The following NREP variants were observed in gnomAD, a reference collection of about 807,000 sequenced individuals.
NREP encodes the protein neuronal regeneration-related protein.
In NREP, 5 loss-of-function variants were observed where a neutral mutation model predicts 8.6. The observed-to-expected ratio is 0.58, with a 90% CI of 0.30 to 1.22. NREP has a LOEUF of 1.22. Among genes scored for constraint, NREP ranks in the 50% most tolerant of loss-of-function variants. The pLI is 0.07. For synonymous variants in NREP, 27 were observed against 28.0 expected (o/e 0.96, Z 0.11); for missense variants, 86 against 82.5 (o/e 1.04, Z -0.17).
chr5:111,796,975 G>T (rs1272706421), intron 2 of NREP, among the ~76,000 whole-genome samples: 1 of 152,006 alleles, frequency 6.6e-6, no homozygotes, highest in Admixed American at 6.6e-5. Flanking sequence ...AGAACCAATG[G>T]GGCCCATACT....
intron 2 of NREP, among the ~76,000 whole-genome samples, chr5:111,830,062 TG>T (rs1345795096): frequency 6.6e-6 from 1 of 152,196 alleles, no homozygotes; most frequent in African/African-American, 2.4e-5. Context: ...GTCCAGCCCA[TG>T]GCCCACAGGC....
At chr5:111,931,779 G>GA (rs1755544080) in intron 2 of NREP, among the ~76,000 whole-genome samples, 1 of 152,100 alleles carries the variant, frequency 6.6e-6, no homozygotes, top group Non-Finnish European at 1.5e-5. Flanking sequence ...GAGAATTACA[G>GA]GTTCCTCCAT....
chr5:111,804,979 C>A lies in NREP; in HGVS notation c.136-69472G>T, dbSNP rs532816402. Among the ~76,000 whole-genome samples the A allele has an allele frequency of 1.3e-3, 192 of 148,724 alleles. 2 individuals carry two copies. The highest frequency in any genetic ancestry group is 0.011 in the Admixed American group (164 of 14,794). ...TGGCGCCACTGCACTCTAGCCTGGG[C>A]GACAGAGCGAGACTCCGTCTCAACA... On this transcript the variant is annotated intron_variant, in intron 2 of 3. Coordinates refer to the NREP transcript ENST00000395634.
chr5:111,758,171 C>G, upstream of NREP: 1 of 985,552 alleles, frequency 1.0e-6, no homozygotes. Context: ...AAGCCCGGGG[C>G]GGGGAGCGCC....
chr5:111,781,957 G>C (rs1462900770), intron 2 of NREP, among the ~76,000 whole-genome samples: 1 of 152,208 alleles, frequency 6.6e-6, no homozygotes, highest in East Asian at 1.9e-4. Context: ...ATTTACTCTG[G>C]TTTTTGCCTC....
At chr5:111,812,312 A>G (rs1306779942) in intron 2 of NREP, among the ~76,000 whole-genome samples, 1 of 152,038 alleles carries the variant, frequency 6.6e-6, no homozygotes, top group Non-Finnish European at 1.5e-5. Flanking sequence ...CAAACAAACA[A>G]ACAATCAAAC....
intron 2 of NREP, among the ~76,000 whole-genome samples, chr5:111,765,252 T>C (rs576144191): frequency 2.4e-4 from 37 of 152,298 alleles, no homozygotes; most frequent in Middle Eastern, 6.8e-3. Context: ...GAGAATCTAA[T>C]GCCACCAATG....
intron 2 of NREP, among the ~76,000 whole-genome samples, chr5:111,952,700 G>T (rs761849507): frequency 1.8e-4 from 28 of 152,028 alleles, no homozygotes; most frequent in Non-Finnish European, 2.9e-4. Context: ...GAAATTTAAG[G>T]CATGGGGAAC....
intron 2 of NREP, among the ~76,000 whole-genome samples, chr5:111,808,719 T>G (rs1752200055): frequency 6.6e-6 from 1 of 152,180 alleles, no homozygotes; most frequent in African/African-American, 2.4e-5. Flanking sequence ...TCCAGCCATG[T>G]TTGGGTAACC....
At chr5:111,975,161 G>T in intron 2 of NREP, 1 of 714,672 alleles carries the variant, frequency 1.4e-6, no homozygotes, top group Non-Finnish European at 2.4e-6. Context: ...CTTTCACGGG[G>T]CAATGGTGGG....
intron 2 of NREP, among the ~76,000 whole-genome samples, chr5:111,744,344 T>C (rs1749867965): frequency 6.6e-6 from 1 of 152,014 alleles, no homozygotes; most frequent in Non-Finnish European, 1.5e-5. Context: ...GGAGGGAAAG[T>C]GGTTTCTATT....
Position 111,793,716 on chromosome 5 carries a change from G to C in NREP, c.136-58209C>G, listed in dbSNP as rs750767021. ...AGCCCTCCTCACTCCCTAGCATAATGCTTTACGCTCAATGAATGCTAAGTA... is the reference window on the plus strand; with the variant it reads ...AGCCCTCCTCACTCCCTAGCATAATCCTTTACGCTCAATGAATGCTAAGTA... On this transcript the variant is annotated intron_variant, in intron 2 of 3. Transcript: ENST00000395634. Among the ~76,000 whole-genome samples the C allele has an allele frequency of 1.2e-4, 18 of 152,266 alleles. 1 individual carries two copies. Among genetic ancestry groups the C allele is most frequent in the Non-Finnish European group, 2.4e-4 (16 of 68,020 alleles).
At chr5:111,789,085 A>G (rs1036318882) in intron 2 of NREP, among the ~76,000 whole-genome samples, 10 of 152,294 alleles carry the variant, frequency 6.6e-5, no homozygotes, top group Middle Eastern at 3.4e-3. Flanking sequence ...GTGTGAGCCT[A>G]TTCCTTATTC....
intron 2 of NREP, among the ~76,000 whole-genome samples, chr5:111,892,461 G>T (rs1428757482): frequency 1.3e-5 from 2 of 152,084 alleles, no homozygotes; most frequent in Non-Finnish European, 2.9e-5. Context: ...ATATGAAGAG[G>T]TTACTTGAAG....
chr5:111,813,990 C>G (rs1752326279), intron 2 of NREP, among the ~76,000 whole-genome samples: 1 of 151,852 alleles, frequency 6.6e-6, no homozygotes, highest in Admixed American at 6.6e-5. Context: ...TCATAATTTT[C>G]TTATGAAAAT....
intron 2 of NREP, among the ~76,000 whole-genome samples, chr5:111,930,392 T>C (rs895800986): frequency 1.3e-5 from 2 of 152,184 alleles, no homozygotes; most frequent in Non-Finnish European, 1.5e-5. Context: ...GCGAATTTAG[T>C]TTAATCTCTA....
At chr5:111,768,430 G>A (rs1348744955) in intron 2 of NREP, among the ~76,000 whole-genome samples, 1 of 152,150 alleles carries the variant, frequency 6.6e-6, no homozygotes, top group Non-Finnish European at 1.5e-5. Flanking sequence ...ATATTGTGTG[G>A]TATTGAGGTT....
chr5:111,903,072 T>C (rs928014231), intron 2 of NREP, among the ~76,000 whole-genome samples: 2 of 150,500 alleles, frequency 1.3e-5, no homozygotes, highest in Admixed American at 6.6e-5. Context: ...TGAATTGTCT[T>C]GTCTTTTCTC....
At chr5:111,770,554 C>CTT (rs34538408) in intron 2 of NREP, among the ~76,000 whole-genome samples, 1,618 of 73,546 alleles carry the variant, frequency 0.022, 245 homozygotes, top group African/African-American at 0.044. Flanking sequence ...GAATTATTTC[C>CTT]TTTTTTTTTT....
Sources: allele counts gnomAD v4.1 joint callset (sites outside exome capture counted in the v4.1 genomes callset), GRCh38; gene constraint gnomAD v4.1.1; transcripts MANE v1.5; gene names NCBI Gene and HGNC (gene_info 2026-07-23, HGNC 2026-07-21).